The following FNBP1L variants were observed in gnomAD, a reference collection of about 807,000 sequenced individuals.
FNBP1L encodes the protein formin binding protein 1 like, also known as formin-binding protein 1-like.
A neutral mutation model predicts 91.2 loss-of-function variants in FNBP1L; 36 were observed. The ratio of observed to expected loss-of-function variants is 0.39; its 90% CI spans 0.30 to 0.52. FNBP1L has a LOEUF of 0.52. Ranked by LOEUF, FNBP1L falls within the 20% of genes least tolerant of loss-of-function variation. FNBP1L has a pLI of 0.66. For missense variants in FNBP1L, 571 were observed against 732.1 expected (o/e 0.78, Z 2.54); for synonymous variants, 242 against 237.0 (o/e 1.02, Z -0.19).
At chr1:93,465,377 C>CG (rs1388257401) in intron 1 of FNBP1L, among the ~76,000 whole-genome samples, 2 of 151,796 alleles carry the variant, frequency 1.3e-5, no homozygotes, top group Non-Finnish European at 2.9e-5. Context: ...CAACAGGCCG[C>CG]GGTGTGTGAT....
Position 93,553,389 on chromosome 1 carries a change from C to G in FNBP1L, c.*973C>G, listed in dbSNP as rs1452932341. On this transcript the variant is annotated 3_prime_UTR_variant, in exon 17 of 17. Coordinates refer to ENST00000271234, the MANE Select transcript of FNBP1L (RefSeq NM_001164473.3). Reference sequence around the variant, plus strand: ...CAGCTCAGTGCGACCTGCTTTAACTCTGCAGCACCGCTGCAGCTGCCGATG... The same window carrying G: ...CAGCTCAGTGCGACCTGCTTTAACTGTGCAGCACCGCTGCAGCTGCCGATG... The G allele has an allele frequency of 6.6e-6, 1 of 152,614 alleles. No individual in the cohort carries two copies. Among genetic ancestry groups the G allele is most frequent in the Non-Finnish European group, 1.5e-5 (1 of 68,010 alleles). 9.5% of individuals were successfully genotyped at this position (152,614 alleles called of 1,614,324 possible).
At chr1:93,540,221 A>G (rs889453471) in intron 10 of FNBP1L, among the ~76,000 whole-genome samples, 2 of 152,136 alleles carry the variant, frequency 1.3e-5, no homozygotes, top group African/African-American at 4.8e-5. Context: ...TATATAAAGT[A>G]TTGTTGTACA....
rs772784653 is a variant in FNBP1L, at chr1:93,551,017, C to T, written c.1722C>T (p.Asp574=). ...VLYIIEEDKG[D]GWTRARRQNG... ...ACATTATAGAGGAGGACAAAGGTGACGGATGGACAAGAGCTCGGAGACAGA... is the reference window on the plus strand; with the variant it reads ...ACATTATAGAGGAGGACAAAGGTGATGGATGGACAAGAGCTCGGAGACAGA... The change falls in exon 16 of 17, where the codon GAC becomes GAT. Residue 574 remains aspartate (D), a synonymous_variant. Coordinates refer to ENST00000271234, the MANE Select transcript of FNBP1L (RefSeq NM_001164473.3). The T allele has an allele frequency of 1.2e-5, 19 of 1,612,458 alleles. No individual in the cohort carries two copies. The highest frequency in any genetic ancestry group is 2.7e-5 in the African/African-American group (2 of 74,974).
chr1:93,551,209 G>A, intron 16 of FNBP1L, 104 bp downstream of exon 16: 1 of 1,392,540 alleles, frequency 7.2e-7, no homozygotes, highest in South Asian at 2.0e-5. Context: ...AAAAAAATAA[G>A]GAAACTTAAA....
At position 93,448,291 on chromosome 1, in the gene FNBP1L, G is replaced by T; in HGVS notation, c.10G>T (p.Gly4Cys). MSW[G>C]TELWDQFDSL... ...GCCAGAAAGTTCCGCCATGAGCTGG[G>T]GCACGGAGCTGTGGGTGAGTCGGGG... The change falls in exon 1 of 17, where the codon GGC becomes TGC. Residue 4 changes from glycine to cysteine, a missense_variant. By Grantham distance (159) the Gly-to-Cys change is radical (BLOSUM62 -3). Transcript: ENST00000271234. 6.6e-7 allele frequency: 1 copy of T among 1,517,904 alleles called. No homozygotes were observed. Among genetic ancestry groups the T allele is most frequent in the Non-Finnish European group, 8.8e-7 (1 of 1,132,690 alleles). The allele number at this position is 1,517,904 out of a possible 1,614,324, so 94.0% of individuals were successfully genotyped here.
intron 1 of FNBP1L, among the ~76,000 whole-genome samples, chr1:93,451,185 T>C (rs1474415369): frequency 1.3e-5 from 2 of 152,252 alleles, no homozygotes; most frequent in Non-Finnish European, 2.9e-5. Flanking sequence ...TTCATTTCTT[T>C]ATTACATAGC....
At chr1:93,540,189 TACAC>T (rs201794733) in intron 10 of FNBP1L, among the ~76,000 whole-genome samples, 4 of 152,038 alleles carry the variant, frequency 2.6e-5, no homozygotes, top group African/African-American at 9.7e-5. Flanking sequence ...TCTATATCTG[TACAC>T]ACACACATAT....
chr1:93,547,455 T>C lies in FNBP1L; in HGVS notation c.1502+14T>C. On this transcript the variant is annotated intron_variant, in intron 14 of 16. Transcript: ENST00000271234. The stretch of plus-strand genomic sequence containing the variant: ...GGGACGAGAAAGGTGATTTTTTGTA[T>C]TTTATTTGTATTTCTTCTCCCCAGA... 4 of 1,544,020 alleles carry C rather than the reference T, an allele frequency of 2.6e-6. No individual in the cohort carries two copies. Among genetic ancestry groups the C allele is most frequent in the Non-Finnish European group, 3.5e-6 (4 of 1,140,838 alleles).
chr1:93,448,254 C>T lies in FNBP1L; in HGVS notation c.-28C>T. 1 of 1,520,392 alleles carries T rather than the reference C, an allele frequency of 6.6e-7. No homozygotes were observed. The highest frequency in any genetic ancestry group is 8.8e-7 in the Non-Finnish European group (1 of 1,133,808). 94.2% of individuals were successfully genotyped at this position (1,520,392 alleles called of 1,614,324 possible). A position where few individuals can be genotyped will look rare whatever the true frequency, so the allele number is the denominator to read the frequency against. ...GAGCCGACAGACTGAAGGACAGCGG[C>T]ACCGCCAGACGGCCAGAAAGTTCCG... On this transcript the variant is annotated 5_prime_UTR_variant, in exon 1 of 17. Coordinates refer to ENST00000271234, the MANE Select transcript of FNBP1L (RefSeq NM_001164473.3).
chr1:93,535,523 T>G (rs1671819005), intron 9 of FNBP1L, among the ~76,000 whole-genome samples: 1 of 152,110 alleles, frequency 6.6e-6, no homozygotes, highest in Non-Finnish European at 1.5e-5. Flanking sequence ...ATTAAGTGGT[T>G]GTACTCGTGT....
intron 1 of FNBP1L, among the ~76,000 whole-genome samples, chr1:93,462,762 G>A (rs545778719): frequency 1.3e-5 from 2 of 152,086 alleles, no homozygotes; most frequent in South Asian, 4.2e-4. Context: ...ATCACTTTTG[G>A]CATTGATCTT....
At chr1:93,504,229 A>G (rs1026516477) in intron 2 of FNBP1L, among the ~76,000 whole-genome samples, 1 of 152,202 alleles carries the variant, frequency 6.6e-6, no homozygotes, top group South Asian at 2.1e-4. Context: ...CTTTGACTAC[A>G]TAGCAGCTTT....
intron 1 of FNBP1L, among the ~76,000 whole-genome samples, chr1:93,462,200 A>G (rs564032987): frequency 6.6e-6 from 1 of 152,294 alleles, no homozygotes; most frequent in South Asian, 2.1e-4. Flanking sequence ...ATTTAACCCA[A>G]ATCTCTTAGT....
intron 2 of FNBP1L, among the ~76,000 whole-genome samples, chr1:93,513,809 T>A (rs934530365): frequency 2.6e-5 from 4 of 152,156 alleles, no homozygotes; most frequent in African/African-American, 7.2e-5. Context: ...CCACAGCCAA[T>A]ATCATACTGA....
intron 6 of FNBP1L, 99 bp downstream of exon 6, chr1:93,529,855 T>C: frequency 4.3e-6 from 3 of 691,510 alleles, no homozygotes; most frequent in Admixed American, 3.7e-5. Flanking sequence ...AGGATTTACT[T>C]GAGATACACT....
intron 8 of FNBP1L, among the ~76,000 whole-genome samples, chr1:93,534,057 TG>T (rs1209733761): frequency 3.0e-4 from 46 of 152,272 alleles, no homozygotes; most frequent in African/African-American, 1.1e-3. Flanking sequence ...GGTAGAGGTA[TG>T]TATGTCTAAA....
chr1:93,449,081 C>T (rs1434763271), intron 1 of FNBP1L, among the ~76,000 whole-genome samples: 1 of 152,228 alleles, frequency 6.6e-6, no homozygotes, highest in Non-Finnish European at 1.5e-5. Context: ...CTTTACTTCC[C>T]TTTCCGTTCT....
rs1557814809 is a variant in FNBP1L, at chr1:93,533,681, CAT to C, written c.786+616_786+617del. Among the ~76,000 whole-genome samples the C allele has an allele frequency of 3.9e-5, 6 of 152,304 alleles. No individual in the cohort carries two copies. The South Asian group carries it at 1.2e-3, about 32-fold the overall frequency. On this transcript the variant is annotated intron_variant, in intron 8 of 16. Transcript: ENST00000271234. ...TTTGCAGGATATCAGATATGTGTCA[CAT>C]ATTTTAGTCTTCATGAACCTATCAA...
intron 2 of FNBP1L, among the ~76,000 whole-genome samples, chr1:93,507,751 C>T (rs1382035679): frequency 6.6e-6 from 1 of 152,046 alleles, no homozygotes; most frequent in Non-Finnish European, 1.5e-5. Flanking sequence ...CAGGTTCAAG[C>T]GATTCTCCTG....
Sources: gnomAD v4.1 joint callset for allele counts (sites outside exome capture counted in the v4.1 genomes callset) on GRCh38, gnomAD v4.1.1 for gene constraint, MANE v1.5 for transcripts, NCBI Gene and HGNC (gene_info 2026-07-23, HGNC 2026-07-21) for gene names.